The following RIC3 variants were observed in gnomAD, a reference collection of about 807,000 sequenced individuals.
The protein encoded by RIC3 is protein RIC-3.
In RIC3, 28 loss-of-function variants were observed where a neutral mutation model predicts 27.3. That is an observed-to-expected ratio of 1.02 (90% CI 0.76 to 1.41). The LOEUF is 1.41. RIC3 is among the 40% of genes most tolerant of loss of function. The pLI is 0.00. For synonymous variants in RIC3, 184 were observed against 160.4 expected, an observed-to-expected ratio of 1.15 and a Z score of -1.11; for missense variants, 501 against 444.7, an observed-to-expected ratio of 1.13 and a Z score of -1.14.
rs1949193938 is a variant in RIC3, at chr11:8,142,527, A to T, written c.125-2334T>A. ...CAGTAACAGGAGCTGAAATTGTGGC[A>T]ATAATCAATAGTTTACCAACCAAAA... On this transcript the variant is annotated intron_variant, in intron 1 of 5. Coordinates refer to ENST00000309737, the MANE Select transcript of RIC3 (RefSeq NM_001206671.4). Among the ~76,000 whole-genome samples, 5 of 149,356 alleles carry T rather than the reference A, an allele frequency of 3.3e-5. 1 individual carries two copies. The South Asian group carries it at 1.1e-3, about 32-fold the overall frequency.
the RIC3 span, among the ~76,000 whole-genome samples, chr11:8,099,783 TGAGTA>T: frequency 6.6e-6 from 1 of 151,984 alleles, no homozygotes; most frequent in African/African-American, 2.4e-5. Context: ...AGGTAGCTCT[TGAGTA>T]AAGACCAGAA....
chr11:8,097,113 C>T, the RIC3 span: 2 of 1,222,412 alleles, frequency 1.6e-6, no homozygotes, highest in East Asian at 2.5e-5. Flanking sequence ...GCCCCAATCC[C>T]AGGATCCTTC....
intron 1 of RIC3, among the ~76,000 whole-genome samples, chr11:8,160,314 G>A (rs944947369): frequency 2.0e-5 from 3 of 152,196 alleles, no homozygotes; most frequent in African/African-American, 7.2e-5. Flanking sequence ...GAAGCAGGAT[G>A]ATATGGATTC....
At chr11:8,146,592 C>CA (rs766145309) in intron 1 of RIC3, among the ~76,000 whole-genome samples, 84 of 152,292 alleles carry the variant, frequency 5.5e-4, no homozygotes, top group Non-Finnish European at 2.2e-4. Flanking sequence ...GCACATGACA[C>CA]AGCCCTCAGG....
chr11:8,103,005 G>A (rs117255710), downstream of RIC3: 2,493 of 152,388 alleles, frequency 0.016, 40 homozygotes, highest in Non-Finnish European at 0.023. Flanking sequence ...CATTCCAGTA[G>A]GAAATCAGGC....
downstream of RIC3, chr11:8,101,561 C>T (rs1179437940): frequency 1.2e-6 from 2 of 1,614,136 alleles, no homozygotes; most frequent in Non-Finnish European, 1.7e-6. Context: ...CCGCTGTGTG[C>T]ACTGCAGGCC....
chr11:8,140,214 T>C (rs778170742), intron 1 of RIC3, 21 bp from the exon 2 acceptor site: 4 of 1,600,756 alleles, frequency 2.5e-6, no homozygotes, highest in Non-Finnish European at 2.6e-6. Context: ...AATAATCACT[T>C]TTTATCTCTT....
chr11:8,097,386 C>T, the RIC3 span: 1 of 1,614,204 alleles, frequency 6.2e-7, no homozygotes, highest in South Asian at 1.1e-5. Context: ...GCATGTACCC[C>T]ACCTACTTTC....
chr11:8,139,445 A>T (rs950596497), intron 2 of RIC3: 2 of 156,580 alleles, frequency 1.3e-5, no homozygotes, highest in African/African-American at 4.8e-5. Context: ...CAGGAGGGAC[A>T]GTTCTGTCTC....
the RIC3 span, among the ~76,000 whole-genome samples, chr11:8,100,208 A>AT: frequency 6.9e-4 from 105 of 152,300 alleles, no homozygotes; most frequent in Middle Eastern, 0.014. Context: ...CTGCTGATGG[A>AT]TTAGACGTAG....
intron 5 of RIC3, among the ~76,000 whole-genome samples, chr11:8,117,592 A>G (rs1338170554): frequency 7.7e-6 from 1 of 129,984 alleles, no homozygotes; most frequent in African/African-American, 2.8e-5. Flanking sequence ...TCAGCTGGAT[A>G]GGAGGAATAA....
chr11:8,111,250 C>A, intron 5 of RIC3, 113 bp from the exon 6 acceptor site: 1 of 738,166 alleles, frequency 1.4e-6, no homozygotes, highest in Non-Finnish European at 2.2e-6. Flanking sequence ...CCTAACAAAT[C>A]CATTCAAGAC....
At position 8,126,773 on chromosome 11, in the gene RIC3, G is replaced by T; in HGVS notation, c.556C>A (p.Arg186=). Residue 186 remains arginine (R), a synonymous_variant, in exon 5 of 6, where the codon CGG becomes AGG. Transcript: ENST00000309737. ...ATTTCTCGGAGCTGATGTAGCAACC[G>T]TTTCTCTTGGTCAGAAGTCACAGTC... ...AQTVTSDQEK[R]LLHQLREITR... 1 of 1,614,046 alleles carries T rather than the reference G, an allele frequency of 6.2e-7. No individual in the cohort carries two copies. The highest frequency in any genetic ancestry group is 8.5e-7 in the Non-Finnish European group (1 of 1,179,998).
chr11:8,093,073 C>G, the RIC3 span, among the ~76,000 whole-genome samples: 1 of 152,090 alleles, frequency 6.6e-6, no homozygotes, highest in South Asian at 2.1e-4. Context: ...ACCTTACAGT[C>G]TAGGTGGAGA....
downstream of RIC3, chr11:8,104,711 G>A (rs574849754): frequency 6.6e-6 from 1 of 152,172 alleles, no homozygotes; most frequent in South Asian, 2.1e-4. Flanking sequence ...TGAAAAAACT[G>A]GTATGTTGCA....
the RIC3 span, chr11:8,100,659 T>G: frequency 1.9e-6 from 3 of 1,572,272 alleles, no homozygotes; most frequent in East Asian, 2.2e-5. Flanking sequence ...TGCATGAGCT[T>G]CTAAGGGCAG....
At chr11:8,116,695 T>G (rs184721807) in intron 5 of RIC3, among the ~76,000 whole-genome samples, 98 of 152,184 alleles carry the variant, frequency 6.4e-4, no homozygotes, top group African/African-American at 2.2e-3. Context: ...GAAATGAAAA[T>G]TTAAACCACA....
At chr11:8,128,235 C>CT in intron 4 of RIC3, 1 of 457,384 alleles carries the variant, frequency 2.2e-6, no homozygotes, top group Non-Finnish European at 4.4e-6. Context: ...ATCACAAACT[C>CT]TTGTCTCTTC....
chr11:8,097,648 TG>T, the RIC3 span: 1 of 1,412,670 alleles, frequency 7.1e-7, no homozygotes, highest in Non-Finnish European at 9.9e-7. Flanking sequence ...TCTGTGTGAG[TG>T]GCTCTCATGA....
Sources: allele counts gnomAD v4.1 joint callset (sites outside exome capture counted in the v4.1 genomes callset), GRCh38; gene constraint gnomAD v4.1.1; transcripts MANE v1.5; gene names NCBI Gene and HGNC (gene_info 2026-07-23, HGNC 2026-07-21).